ANKRD44: variants seen among roughly 807,000 people sequenced by gnomAD.
ANKRD44 encodes the protein serine/threonine-protein phosphatase 6 regulatory ankyrin repeat subunit B.
Under a neutral mutation model 116.0 loss-of-function variants are expected in ANKRD44, and 35 were observed. The observed-to-expected ratio is 0.30, with a 90% CI of 0.23 to 0.40. The LOEUF (loss-of-function observed/expected upper bound fraction) is 0.40, where lower values mean the gene tolerates loss of function less well. Among genes scored for constraint, ANKRD44 ranks in the 10% least tolerant of loss-of-function variants. ANKRD44 has a pLI of 1.00. For missense variants in ANKRD44, 1,014 were observed against 1,242.6 expected (o/e 0.82, Z 2.77); for synonymous variants, 435 against 461.8 (o/e 0.94, Z 0.74).
chr2:196,989,685 T>C (rs550921931), intron 27 of ANKRD44, 36 bp from the exon 28 acceptor site: 2 of 1,548,654 alleles, frequency 1.3e-6, no homozygotes, highest in South Asian at 2.4e-5. Flanking sequence ...ATTCACTATG[T>C]TGATTTCATC....
intron 13 of ANKRD44, among the ~76,000 whole-genome samples, chr2:197,085,250 A>C (rs2077892220): frequency 6.6e-6 from 1 of 152,198 alleles, no homozygotes; most frequent in African/African-American, 2.4e-5. Flanking sequence ...CATATGTTTT[A>C]ATTAGACTGA....
rs114008262 is a variant in ANKRD44 at position 197,305,767 on chromosome 2, T to C, written c.27+4811A>G. Among the ~76,000 whole-genome samples, 636 of 152,106 alleles carry C rather than the reference T, an allele frequency of 4.2e-3. 3 individuals carry two copies. The highest frequency in any genetic ancestry group is 0.015 in the African/African-American group (609 of 41,470). Reference sequence around the variant, plus strand: ...GTGTAGAGAACACAGATATCAGCTATGTGCACAAGTGAAAGGTAATGATAT... The same window carrying C: ...GTGTAGAGAACACAGATATCAGCTACGTGCACAAGTGAAAGGTAATGATAT... On this transcript the variant is annotated intron_variant, in intron 1 of 27. Transcript: ENST00000282272.
At chr2:197,265,479 T>A (rs1044735537) in intron 1 of ANKRD44, among the ~76,000 whole-genome samples, 4 of 152,182 alleles carry the variant, frequency 2.6e-5, no homozygotes, top group Non-Finnish European at 5.9e-5. Flanking sequence ...ACTCTTGACC[T>A]CAAGTGATCT....
chr2:197,120,705 C>A (rs2078831799), intron 8 of ANKRD44, among the ~76,000 whole-genome samples: 1 of 152,034 alleles, frequency 6.6e-6, no homozygotes, highest in African/African-American at 2.4e-5. Context: ...TAAACCCACA[C>A]TGGAGTTGGA....
At chr2:197,117,213 C>A (rs1346165346) in intron 8 of ANKRD44, among the ~76,000 whole-genome samples, 2 of 151,752 alleles carry the variant, frequency 1.3e-5, no homozygotes, top group Non-Finnish European at 2.9e-5. Flanking sequence ...TTCTTTCTTC[C>A]TTCCTACCTT....
intron 16 of ANKRD44, among the ~76,000 whole-genome samples, chr2:197,042,361 T>C (rs2076925725): frequency 6.6e-6 from 1 of 152,186 alleles, no homozygotes; most frequent in South Asian, 2.1e-4. Context: ...CTTTGGCTAT[T>C]ATTGAATAGG....
At chr2:197,042,402 A>G (rs1240653781) in intron 16 of ANKRD44, among the ~76,000 whole-genome samples, 1 of 151,998 alleles carries the variant, frequency 6.6e-6, no homozygotes, top group Non-Finnish European at 1.5e-5. Flanking sequence ...ACAAGTGGCC[A>G]ACATTGTTAG....
chr2:197,174,534 T>C (rs1452598751), intron 2 of ANKRD44, among the ~76,000 whole-genome samples: 1 of 152,254 alleles, frequency 6.6e-6, no homozygotes, highest in African/African-American at 2.4e-5. Flanking sequence ...AGCATTTATG[T>C]ATATATGTGC....
intron 18 of ANKRD44, among the ~76,000 whole-genome samples, chr2:197,013,207 A>G (rs1346226501): frequency 6.6e-6 from 1 of 152,158 alleles, no homozygotes. Context: ...ATTTTGTTCT[A>G]TGTAACTTGT....
At chr2:197,096,009 G>A (rs2078152834) in intron 10 of ANKRD44, among the ~76,000 whole-genome samples, 1 of 152,124 alleles carries the variant, frequency 6.6e-6, no homozygotes, top group African/African-American at 2.4e-5. Context: ...TATATACTGA[G>A]GATCTAAAAG....
chr2:197,025,155 GT>G, intron 17 of ANKRD44, 40 bp downstream of exon 17: 2 of 1,575,980 alleles, frequency 1.3e-6, no homozygotes, highest in Non-Finnish European at 8.7e-7. Context: ...TGCTTAGGTT[GT>G]TTTTGTAACA....
At chr2:197,237,795 T>C (rs1055625457) in intron 1 of ANKRD44, among the ~76,000 whole-genome samples, 1 of 152,264 alleles carries the variant, frequency 6.6e-6, no homozygotes, top group South Asian at 2.1e-4. Context: ...AGGGAATGTT[T>C]AACGCCTTAC....
Position 196,995,372 on chromosome 2 carries a change from C to A in ANKRD44, c.2831+7G>T, listed in dbSNP as rs1247319434. 6.9e-6 allele frequency: 11 copies of A among 1,601,982 alleles called. No individual in the cohort carries two copies. Among genetic ancestry groups the A allele is most frequent in the Non-Finnish European group, 9.4e-6 (11 of 1,171,082 alleles). On this transcript the variant is annotated splice_region_variant and intron_variant, in intron 26 of 27. Coordinates refer to ENST00000282272, the MANE Select transcript of ANKRD44 (RefSeq NM_001195144.2). ...GGTTCAAGTCCAACTTTAGTAGTTACACTTACGTCTGCAGTGCATTATTTT... is the reference window on the plus strand; with the variant it reads ...GGTTCAAGTCCAACTTTAGTAGTTAAACTTACGTCTGCAGTGCATTATTTT...
intron 2 of ANKRD44, among the ~76,000 whole-genome samples, chr2:197,153,048 T>C (rs1331323588): frequency 6.6e-6 from 1 of 151,554 alleles, no homozygotes; most frequent in African/African-American, 2.4e-5. Context: ...TTAAAAGTAA[T>C]TTTTTTAAAT....
At chr2:197,106,349 G>A (rs1219611318) in intron 9 of ANKRD44, among the ~76,000 whole-genome samples, 1 of 152,144 alleles carries the variant, frequency 6.6e-6, no homozygotes, top group Non-Finnish European at 1.5e-5. Flanking sequence ...AGAGGCTGAG[G>A]CAGGGGAATT....
intron 9 of ANKRD44, among the ~76,000 whole-genome samples, chr2:197,100,421 C>CGAGA (rs1451811809): frequency 2.0e-5 from 3 of 151,714 alleles, no homozygotes; most frequent in Admixed American, 6.6e-5. Context: ...GGCGACAGAG[C>CGAGA]GAGACTCCGT....
chr2:197,116,765 A>AT (rs1240685964), intron 8 of ANKRD44, among the ~76,000 whole-genome samples: 2 of 151,850 alleles, frequency 1.3e-5, no homozygotes, highest in African/African-American at 4.8e-5. Context: ...AGCAATCTAC[A>AT]TTTTTTCTTC....
chr2:197,234,229 G>A (rs1479180923), intron 1 of ANKRD44, among the ~76,000 whole-genome samples: 1 of 148,926 alleles, frequency 6.7e-6, no homozygotes, highest in Non-Finnish European at 1.5e-5. Flanking sequence ...GACTTACTTA[G>A]TCGCCCAGGC....
intron 2 of ANKRD44, among the ~76,000 whole-genome samples, chr2:197,177,720 G>A (rs1476757116): frequency 6.6e-6 from 1 of 151,946 alleles, no homozygotes; most frequent in Non-Finnish European, 1.5e-5. Context: ...CCACCACCAA[G>A]ATTCAGCTAT....
Sources: allele counts gnomAD v4.1 joint callset (sites outside exome capture counted in the v4.1 genomes callset), GRCh38; gene constraint gnomAD v4.1.1; transcripts MANE v1.5; gene names NCBI Gene and HGNC (gene_info 2026-07-23, HGNC 2026-07-21).